NRG3: variants seen among roughly 807,000 people sequenced by gnomAD.
The protein encoded by NRG3 is pro-neuregulin-3, membrane-bound isoform.
A neutral mutation model predicts 66.9 loss-of-function variants in NRG3; 31 were observed. That is an observed-to-expected ratio of 0.46 (90% CI 0.35 to 0.63). The LOEUF is 0.63. Ranked by LOEUF, NRG3 falls within the 20% of genes least tolerant of loss-of-function variation. NRG3 has a pLI of 0.00. For missense variants in NRG3, 910 were observed against 878.9 expected (o/e 1.04, Z -0.45); for synonymous variants, 393 against 359.4 (o/e 1.09, Z -1.06).
chr10:82,692,027 G>A (rs989512129), intron 2 of NRG3, among the ~76,000 whole-genome samples: 15 of 152,134 alleles, frequency 9.9e-5, no homozygotes, highest in Admixed American at 7.2e-4. Flanking sequence ...TAATCCCAGC[G>A]CTTTGGGAGG....
At chr10:82,679,631 G>A (rs929836784) in intron 2 of NRG3, among the ~76,000 whole-genome samples, 1 of 152,160 alleles carries the variant, frequency 6.6e-6, no homozygotes, top group Non-Finnish European at 1.5e-5. Context: ...TGATGCCAGA[G>A]CATTAAACTA....
At chr10:82,112,353 A>G (rs2067436372) in intron 1 of NRG3, among the ~76,000 whole-genome samples, 1 of 152,224 alleles carries the variant, frequency 6.6e-6, no homozygotes, top group East Asian at 1.9e-4. Flanking sequence ...GGTCTTCCAG[A>G]GAGGTGCATA....
chr10:82,861,253 G>A (rs2064112607), intron 3 of NRG3, among the ~76,000 whole-genome samples: 1 of 152,014 alleles, frequency 6.6e-6, no homozygotes, highest in Admixed American at 6.6e-5. Context: ...GTCCAGTGGT[G>A]TCAGTTGCCA....
intron 2 of NRG3, among the ~76,000 whole-genome samples, chr10:82,651,660 G>A (rs890096575): frequency 4.6e-5 from 7 of 152,176 alleles, no homozygotes; most frequent in Admixed American, 3.3e-4. Context: ...TCAACCAAAG[G>A]TGATTTTATA....
intron 2 of NRG3, among the ~76,000 whole-genome samples, chr10:82,710,586 C>CAAAAAAAAA (rs59857324): frequency 2.7e-5 from 2 of 73,746 alleles, no homozygotes; most frequent in African/African-American, 5.4e-5. Flanking sequence ...GACTCCATCT[C>CAAAAAAAAA]AAAAAAAAAA....
chr10:82,755,288 A>G (rs2059031877), intron 3 of NRG3, among the ~76,000 whole-genome samples: 1 of 152,138 alleles, frequency 6.6e-6, no homozygotes, highest in Non-Finnish European at 1.5e-5. Context: ...CTTTGTAGTC[A>G]CTACCATTTT....
chr10:82,787,734 T>C (rs1346860722), intron 3 of NRG3, among the ~76,000 whole-genome samples: 1 of 152,214 alleles, frequency 6.6e-6, no homozygotes, highest in Non-Finnish European at 1.5e-5. Context: ...CTGCTCTTTT[T>C]TCAGTGTGTA....
At chr10:81,923,127 A>C in intron 1 of NRG3, among the ~76,000 whole-genome samples, 1 of 152,192 alleles carries the variant, frequency 6.6e-6, no homozygotes, top group East Asian at 1.9e-4. Flanking sequence ...TCCTGTGTCT[A>C]ATATAGTGCA....
rs143622650 is a variant in NRG3 at position 82,669,490 on chromosome 10, A to C, written c.954-69087A>C. ...CTACCAATTATGGTTTCTTTACTTC[A>C]AAATTCCAAAGCTCCCCAGCAATTT... is the stretch of plus-strand genomic sequence containing the variant. On this transcript the variant is annotated intron_variant, in intron 2 of 8. Transcript: ENST00000372141. Among the ~76,000 whole-genome samples the C allele has an allele frequency of 4.8e-3, 730 of 152,216 alleles. 4 individuals are homozygous for C. The highest frequency in any genetic ancestry group is 0.017 in the African/African-American group (693 of 41,540).
At chr10:82,301,425 C>G (rs1210599078) in intron 1 of NRG3, among the ~76,000 whole-genome samples, 1 of 152,052 alleles carries the variant, frequency 6.6e-6, no homozygotes, top group Non-Finnish European at 1.5e-5. Flanking sequence ...GGCACTGTTG[C>G]AGGCACGACA....
intron 1 of NRG3, among the ~76,000 whole-genome samples, chr10:82,047,395 G>A (rs187041758): frequency 2.0e-3 from 306 of 152,160 alleles, no homozygotes; most frequent in African/African-American, 6.8e-3. Context: ...GACTAACAGC[G>A]GATCTCTAGG....
chr10:82,248,117 C>T (rs934471562), intron 1 of NRG3, among the ~76,000 whole-genome samples: 2 of 152,112 alleles, frequency 1.3e-5, no homozygotes, highest in East Asian at 1.9e-4. Flanking sequence ...AATGTATAAC[C>T]GTAACCCTGC....
intron 2 of NRG3, among the ~76,000 whole-genome samples, chr10:82,642,617 A>T (rs1424418091): frequency 6.6e-6 from 1 of 152,022 alleles, no homozygotes; most frequent in Non-Finnish European, 1.5e-5. Context: ...AGGAGAAAAA[A>T]AAAACCCTGG....
At chr10:82,793,572 T>G (rs1310234906) in intron 3 of NRG3, among the ~76,000 whole-genome samples, 1 of 152,162 alleles carries the variant, frequency 6.6e-6, no homozygotes, top group Non-Finnish European at 1.5e-5. Flanking sequence ...GATCCAGGTG[T>G]CATTCAGAAT....
chr10:82,755,078 G>C (rs1436644556), intron 3 of NRG3, among the ~76,000 whole-genome samples: 4 of 152,108 alleles, frequency 2.6e-5, no homozygotes, highest in Admixed American at 6.6e-5. Flanking sequence ...TAGTGGTCAA[G>C]AGTGGGGAGA....
At chr10:82,976,034 A>G (rs960709628) in intron 7 of NRG3, among the ~76,000 whole-genome samples, 5 of 152,148 alleles carry the variant, frequency 3.3e-5, no homozygotes, top group Admixed American at 6.6e-5. Flanking sequence ...TATTTTGGCA[A>G]TATAAGTCAC....
chr10:82,828,552 T>C (rs954126452), intron 3 of NRG3, among the ~76,000 whole-genome samples: 1 of 152,174 alleles, frequency 6.6e-6, no homozygotes, highest in African/African-American at 2.4e-5. Context: ...CATTTGGCTC[T>C]TGAGACCTGG....
At chr10:82,847,195 T>C (rs1200997433) in intron 3 of NRG3, among the ~76,000 whole-genome samples, 1 of 152,184 alleles carries the variant, frequency 6.6e-6, no homozygotes, top group African/African-American at 2.4e-5. Flanking sequence ...TAAATCTGTC[T>C]TTAGAAAGAG....
chr10:82,358,763 G>T lies in NRG3; in HGVS notation c.848G>T (p.Arg283Leu). 1.2e-6 allele frequency: 2 copies of T among 1,614,088 alleles called. No homozygotes were observed. The highest frequency in any genetic ancestry group is 1.1e-5 in the South Asian group (1 of 91,080). ...GATACGACGACATATTCCACAGAGC[G>T]ATCCGAGCACTTCAAACCCTGCCGA... ...KFHTTTYSTE[R>L]SEHFKPCRDK... is the part of the protein sequence containing the mutation. Residue 283 changes from arginine (R) to leucine (L), a missense_variant, in exon 2 of 9, where the codon CGA (arginine) becomes CTA (leucine). Physicochemically the swap from Arg to Leu is moderately radical, Grantham distance 102. Coordinates refer to ENST00000372141, the MANE Select transcript of NRG3 (RefSeq NM_001010848.4).
Sources: allele counts gnomAD v4.1 joint callset (sites outside exome capture counted in the v4.1 genomes callset), GRCh38; gene constraint gnomAD v4.1.1; transcripts MANE v1.5; gene names NCBI Gene and HGNC (gene_info 2026-07-23, HGNC 2026-07-21).